Variants in FBXL18 observed in about 807,000 individuals in gnomAD.
FBXL18 encodes F-box and leucine rich repeat protein 18.
In FBXL18, 36 loss-of-function variants were observed where a neutral mutation model predicts 46.0. The observed-to-expected ratio is 0.78, with a 90% CI of 0.60 to 1.03. The LOEUF (loss-of-function observed/expected upper bound fraction) is 1.03, where lower values mean the gene tolerates loss of function less well. Among genes scored for constraint, FBXL18 ranks in the 50% least tolerant of loss-of-function variants. The probability of loss-of-function intolerance (pLI) is 0.00; values close to 1 mark genes in which losing one functional copy is unlikely to be tolerated. For missense variants in FBXL18, 977 were observed against 1,004.1 expected, an observed-to-expected ratio of 0.97 and a Z score of 0.36; for synonymous variants, 557 against 465.3, an observed-to-expected ratio of 1.20 and a Z score of -2.54.
rs1783616980 is a variant in FBXL18 at position 5,480,548 on chromosome 7, A to ATATATATATATATATATTT, written c.*1226_*1227insAAATATATATATATATATA. ...GTTGAATATATATATATATATATAT[A>ATATATATATATATATATTT]TTTTTTTTTTTTTTTTTTTTTTTTT... is the stretch of plus-strand genomic sequence containing the variant. On this transcript the variant is annotated 3_prime_UTR_variant, in exon 5 of 5. Transcript: ENST00000382368. The ATATATATATATATATATTT allele has an allele frequency of 2.5e-5, 1 of 40,344 alleles. No individual in the cohort carries two copies. Among genetic ancestry groups the ATATATATATATATATATTT allele is most frequent in the African/African-American group, 9.6e-5 (1 of 10,398 alleles). 2.5% of individuals were successfully genotyped at this position (40,344 alleles called of 1,614,324 possible). A position where few individuals can be genotyped will look rare whatever the true frequency, so the allele number is the denominator to read the frequency against.
chr7:5,473,811 AG>A (rs1468979141), downstream of FBXL18, among the ~76,000 whole-genome samples: 1 of 147,674 alleles, frequency 6.8e-6, no homozygotes, highest in Admixed American at 6.8e-5. Flanking sequence ...CTCTTTTTTT[AG>A]GTGGAGTCTC....
At chr7:5,482,339 A>T (rs1783669219) in intron 4 of FBXL18, among the ~76,000 whole-genome samples, 1 of 152,160 alleles carries the variant, frequency 6.6e-6, no homozygotes, top group South Asian at 2.1e-4. Context: ...GAGAGAAGGG[A>T]CAGGTGCCCA....
In FBXL18 at chr7:5,491,322, T is replaced by C. The variant is rs944647160; in HGVS notation, c.1909A>G (p.Met637Val). The stretch of plus-strand genomic sequence containing the variant: ...ATGACAACCTGCAGGCAGCGAGCCA[T>C]GAAGGCCAGCACGGCATCGGGCTGG... Reference protein sequence around the residue: ...TLQPDAVLAFMARCLQVVMCH... With the variant: ...TLQPDAVLAFVARCLQVVMCH... The change falls in exon 4 of 5, where the codon ATG becomes GTG. Residue 637 changes from methionine to valine, a missense_variant. Coordinates refer to ENST00000382368, the MANE Select transcript of FBXL18 (RefSeq NM_024963.6). The C allele has an allele frequency of 1.2e-6, 2 of 1,612,682 alleles. No homozygotes were observed. Among genetic ancestry groups the C allele is most frequent in the Admixed American group, 1.7e-5 (1 of 59,910 alleles).
At chr7:5,468,064 G>A (rs1783369119) in intron 4 of FBXL18, among the ~76,000 whole-genome samples, 2 of 150,884 alleles carry the variant, frequency 1.3e-5, no homozygotes, top group Non-Finnish European at 2.9e-5. Flanking sequence ...CTCACTGCAA[G>A]CTCTGCCTCC....
rs1784094019 is a variant in FBXL18, at chr7:5,496,870, A to C, written c.1781+3618T>G. Among the ~76,000 whole-genome samples, 1 of 151,960 alleles carries C rather than the reference A, an allele frequency of 6.6e-6. No individual in the cohort carries two copies. On this transcript the variant is annotated intron_variant, in intron 3 of 4. Coordinates refer to ENST00000382368, the MANE Select transcript of FBXL18 (RefSeq NM_024963.6). This position sits in a 1 kb window ranked among gnomAD's most constrained non-coding sequence, Gnocchi z 4.8. ...GTGAAACCCCGTCTCTACTAAAAAT[A>C]CAAAAAAAAAATTAGCCGAGTATGG...
At chr7:5,465,195 G>C (rs1176534162) in intron 4 of FBXL18, among the ~76,000 whole-genome samples, 1 of 152,012 alleles carries the variant, frequency 6.6e-6, no homozygotes, top group East Asian at 1.9e-4. Flanking sequence ...TCTATGATAG[G>C]TACGATTTTA....
intron 1 of FBXL18, among the ~76,000 whole-genome samples, chr7:5,509,192 C>CAA (rs35365443): frequency 4.8e-5 from 5 of 103,340 alleles, no homozygotes; most frequent in South Asian, 3.1e-4. Context: ...GACTCTGTCT[C>CAA]AAAAAAAAAA....
At chr7:5,503,540 T>TG (rs1209098501) in intron 2 of FBXL18, among the ~76,000 whole-genome samples, 2 of 133,926 alleles carry the variant, frequency 1.5e-5, no homozygotes, top group African/African-American at 5.6e-5. Context: ...TTTTTTTTTT[T>TG]GTACAGATGG....
intron 1 of FBXL18, among the ~76,000 whole-genome samples, 174 bp from the exon 2 acceptor site, chr7:5,505,804 A>G (rs1401819233): frequency 6.6e-6 from 1 of 152,218 alleles, no homozygotes; most frequent in East Asian, 1.9e-4. Context: ...ACTCCATTAT[A>G]GAGCTGTAAG....
chr7:5,475,520 G>A (rs1783495013), downstream of FBXL18, among the ~76,000 whole-genome samples: 1 of 152,104 alleles, frequency 6.6e-6, no homozygotes, highest in South Asian at 2.1e-4. The surrounding 1 kb of genome is among the most constrained non-coding windows in gnomAD (Gnocchi z 4.2). Context: ...TCCCTGCCAG[G>A]CCCATCCTGA....
In FBXL18 at chr7:5,501,241, C is replaced by T. The variant is rs751324979; in HGVS notation, c.1028G>A (p.Arg343Gln). Reference sequence around the variant, plus strand: ...GCTGAGGTTCAAGCTGGCCAGGCTCCGCAGGTCCTTCCCGCCGTTGATGAC... The same window carrying T: ...GCTGAGGTTCAAGCTGGCCAGGCTCTGCAGGTCCTTCCCGCCGTTGATGAC... The part of the protein sequence containing the change: ...QQVINGGKDL[R>Q]SLASLNLSGC... The change falls in exon 3 of 5, where the codon CGG becomes CAG. Residue 343 changes from arginine (R) to glutamine (Q), a missense_variant. Coordinates refer to ENST00000382368, the MANE Select transcript of FBXL18 (RefSeq NM_024963.6). The T allele has an allele frequency of 3.2e-5, 51 of 1,613,210 alleles. No homozygotes were observed. Among genetic ancestry groups the T allele is most frequent in the Admixed American group, 8.3e-5 (5 of 59,908 alleles).
chr7:5,456,262 C>T (rs541494806), intron 4 of FBXL18, among the ~76,000 whole-genome samples: 5 of 152,336 alleles, frequency 3.3e-5, no homozygotes, highest in African/African-American at 1.2e-4. Context: ...GCTCCCCCTG[C>T]ACCAGTCAGC....
At chr7:5,506,689 T>C (rs932851393) in intron 1 of FBXL18, among the ~76,000 whole-genome samples, 1 of 152,080 alleles carries the variant, frequency 6.6e-6, no homozygotes, top group Non-Finnish European at 1.5e-5. Flanking sequence ...CCTGAGTACC[T>C]GGGATTAAAG....
At chr7:5,493,877 T>A (rs1273625228) in intron 3 of FBXL18, among the ~76,000 whole-genome samples, 1 of 151,988 alleles carries the variant, frequency 6.6e-6, no homozygotes, top group African/African-American at 2.4e-5. Context: ...CTCACGTCTA[T>A]AATCCCAGCA....
chr7:5,489,902 G>A (rs374341538), intron 4 of FBXL18: 21 of 1,006,410 alleles, frequency 2.1e-5, no homozygotes, highest in East Asian at 1.9e-4. Context: ...CTGAGATCCC[G>A]CCACTGCACT....
intron 1 of FBXL18, among the ~76,000 whole-genome samples, chr7:5,511,845 C>T (rs1220083214): frequency 2.0e-5 from 3 of 151,710 alleles, no homozygotes; most frequent in Admixed American, 6.6e-5. Context: ...CTGGGCTGGG[C>T]GCAGGGGCTC....
At position 5,489,499 on chromosome 7, in the gene FBXL18, G is replaced by A. The variant is rs529311670; in HGVS notation, c.2000+1732C>T. 3.4e-3 allele frequency: 1,181 copies of A among 344,326 alleles called. 17 individuals carry two copies. Among genetic ancestry groups the A allele is most frequent in the African/African-American group, 0.024 (1,091 of 45,864 alleles). The allele number at this position is 344,326 out of a possible 1,614,324, so 21.3% of individuals were successfully genotyped here. A position where few individuals can be genotyped will look rare whatever the true frequency, so the allele number is the denominator to read the frequency against. ...AAAATACAAAAATTAGGCCGGGCGC[G>A]GTGGCTCACGCCTGTAATCCCAGCA... is the stretch of plus-strand genomic sequence containing the variant. On this transcript the variant is annotated intron_variant, in intron 4 of 4. Coordinates refer to ENST00000382368, the MANE Select transcript of FBXL18 (RefSeq NM_024963.6).
At chr7:5,463,885 CGT>C in intron 4 of FBXL18, among the ~76,000 whole-genome samples, 1 of 151,244 alleles carries the variant, frequency 6.6e-6, no homozygotes, top group South Asian at 2.1e-4. Flanking sequence ...GGATTACAGG[CGT>C]GCGCCACCAC....
At chr7:5,510,724 G>A (rs1784511936) in intron 1 of FBXL18, among the ~76,000 whole-genome samples, 2 of 151,722 alleles carry the variant, frequency 1.3e-5, no homozygotes, top group Admixed American at 6.6e-5. Flanking sequence ...ACTGGCTGGA[G>A]GTCAAAGGCC....
Sources: allele counts gnomAD v4.1 joint callset (sites outside exome capture counted in the v4.1 genomes callset), GRCh38; gene constraint gnomAD v4.1.1; non-coding constraint Gnocchi (gnomAD v3.1); transcripts MANE v1.5; gene names NCBI Gene and HGNC (gene_info 2026-07-23, HGNC 2026-07-21).